The following SAMD8 variants were observed in gnomAD, a reference collection of about 807,000 sequenced individuals.
The protein encoded by SAMD8 is sterile alpha motif domain containing 8.
In SAMD8, 20 loss-of-function variants were observed where a neutral mutation model predicts 42.0. The observed-to-expected ratio is 0.48, with a 90% CI of 0.34 to 0.69. SAMD8 has a LOEUF of 0.69. Among genes scored for constraint, SAMD8 ranks in the 30% least tolerant of loss-of-function variants. The probability of loss-of-function intolerance (pLI) is 0.01; values close to 1 mark genes in which losing one functional copy is unlikely to be tolerated. For synonymous variants in SAMD8, 162 were observed against 173.0 expected (o/e 0.94, Z 0.50); for missense variants, 328 against 511.6 (o/e 0.64, Z 3.46).
At chr10:75,161,205 T>G (rs1840550491) in intron 2 of SAMD8, among the ~76,000 whole-genome samples, 2 of 152,142 alleles carry the variant, frequency 1.3e-5, no homozygotes, top group South Asian at 4.1e-4. Context: ...CTGCCATGTT[T>G]TAAAGAGGAT....
upstream of SAMD8, chr10:75,111,496 T>C (rs1848765609): frequency 2.0e-5 from 24 of 1,224,706 alleles, no homozygotes; most frequent in Non-Finnish European, 2.3e-5. Flanking sequence ...CCCGAAGCAG[T>C]TCCGGTTCGG....
At chr10:75,110,866 A>G (rs893208586), upstream of SAMD8, among the ~76,000 whole-genome samples, 1 of 152,070 alleles carries the variant, frequency 6.6e-6, no homozygotes, top group Admixed American at 6.5e-5. Flanking sequence ...CCCAGGCTGG[A>G]GTGCCATGGC....
intron 2 of SAMD8, among the ~76,000 whole-genome samples, chr10:75,160,833 A>C (rs182871861): frequency 4.0e-4 from 61 of 152,294 alleles, no homozygotes; most frequent in African/African-American, 1.4e-3. Flanking sequence ...AGGTACAGAT[A>C]GGAGCTAAAT....
intron 1 of SAMD8, among the ~76,000 whole-genome samples, chr10:75,131,718 A>G (rs1235640406): frequency 6.6e-6 from 1 of 152,204 alleles, no homozygotes; most frequent in Non-Finnish European, 1.5e-5. Flanking sequence ...TGATAGCATT[A>G]TTAACTCATC....
chr10:75,102,770 T>C (rs1340927812), intron 1 of SAMD8, among the ~76,000 whole-genome samples: 15 of 152,026 alleles, frequency 9.9e-5, no homozygotes, highest in Admixed American at 9.8e-4. Context: ...CTGACTAACA[T>C]GGAGAAAACC....
intron 2 of SAMD8, among the ~76,000 whole-genome samples, chr10:75,158,800 G>T (rs547255023): frequency 1.3e-5 from 2 of 152,008 alleles, no homozygotes; most frequent in Admixed American, 6.6e-5. Context: ...TGGACATTTC[G>T]TATAAGTGGA....
At chr10:75,163,961 GTAATCTCAGCACTT>G (rs1379325066) in intron 2 of SAMD8, among the ~76,000 whole-genome samples, 1 of 152,120 alleles carries the variant, frequency 6.6e-6, no homozygotes, top group East Asian at 1.9e-4. Flanking sequence ...GCTCACACCT[GTAATCTCAGCACTT>G]TGGAAGTCTG....
chr10:75,136,431 A>G (rs1218395015), intron 1 of SAMD8, among the ~76,000 whole-genome samples: 1 of 152,132 alleles, frequency 6.6e-6, no homozygotes, highest in African/African-American at 2.4e-5. Flanking sequence ...AAAAACATAA[A>G]CTTACCTTGC....
chr10:75,124,443 T>C (rs1265628797), intron 1 of SAMD8, among the ~76,000 whole-genome samples: 1 of 152,010 alleles, frequency 6.6e-6, no homozygotes, highest in Non-Finnish European at 1.5e-5. Flanking sequence ...TGAAACCCTG[T>C]CTCTAGTAAA....
chr10:75,160,658 T>C (rs558722936), intron 2 of SAMD8, among the ~76,000 whole-genome samples: 32 of 152,294 alleles, frequency 2.1e-4, no homozygotes, highest in African/African-American at 7.5e-4. Flanking sequence ...AGAAACTGTA[T>C]AATCCCATGA....
intron 1 of SAMD8, among the ~76,000 whole-genome samples, chr10:75,117,397 G>C (rs760407163): frequency 1.3e-5 from 2 of 151,642 alleles, no homozygotes; most frequent in African/African-American, 2.4e-5. Flanking sequence ...ACTCCAGCCT[G>C]GGTAAAGAGT....
chr10:75,105,982 G>A, intron 1 of SAMD8: 2 of 964,852 alleles, frequency 2.1e-6, no homozygotes, highest in Non-Finnish European at 3.1e-6. Flanking sequence ...CTGTGATCCT[G>A]AGCAAGTCAC....
In SAMD8 at chr10:75,175,932, A is replaced by ACTG. The variant is rs111388588; in HGVS notation, c.793-133_793-131dup. ...TTGAAGTCTGGCTGGAATTCATTAG[A>ACTG]CTGAAGGCCTAGATGCTTTGGCTTA... is the stretch of plus-strand genomic sequence containing the variant. On this transcript the variant is annotated intron_variant, in intron 4 of 5. Transcript: ENST00000542569. The ACTG allele has an allele frequency of 2.4e-3, 3,594 of 1,482,350 alleles. 87 individuals are homozygous for ACTG. The African/African-American group carries it at 0.045, about 19-fold the overall frequency. 91.8% of individuals were successfully genotyped at this position (1,482,350 alleles called of 1,614,324 possible).
chr10:75,103,871 C>T (rs772212686), intron 1 of SAMD8: 2 of 1,295,540 alleles, frequency 1.5e-6, no homozygotes, highest in South Asian at 2.5e-5. Flanking sequence ...GAGGGCTTGG[C>T]TGAGAGGGGA....
intron 1 of SAMD8, among the ~76,000 whole-genome samples, chr10:75,139,107 T>C (rs1363979777): frequency 6.6e-6 from 1 of 151,862 alleles, no homozygotes; most frequent in Non-Finnish European, 1.5e-5. Flanking sequence ...ATTACAGGCA[T>C]GCACCACCAC....
chr10:75,150,850 G>C lies in SAMD8; in HGVS notation c.322G>C (p.Asp108His). 6.2e-7 allele frequency: 1 copy of C among 1,613,956 alleles called. No individual in the cohort carries two copies. The stretch of plus-strand genomic sequence containing the variant: ...TTTCATCAGTGCTCTTCAGAGTACA[G>C]ACTGGCTCTGTAATGGGGAGCTTTC... ...TPFISALQST[D>H]WLCNGELSHD... Residue 108 changes from aspartate (D) to histidine (H), a missense_variant, in exon 2 of 6, where the codon GAC (aspartate) becomes CAC (histidine). This residue lies in a region of SAMD8 where 150 missense variants were observed against 186.0 expected (regional missense o/e 0.81). Coordinates refer to ENST00000542569, the MANE Select transcript of SAMD8 (RefSeq NM_001174156.2).
intron 1 of SAMD8, among the ~76,000 whole-genome samples, chr10:75,119,964 A>G (rs1056120059): frequency 6.6e-6 from 1 of 152,176 alleles, no homozygotes; most frequent in Non-Finnish European, 1.5e-5. Flanking sequence ...GCTACTCGGG[A>G]AGCCGAGGCA....
At chr10:75,101,766 A>ACC in intron 1 of SAMD8, 27 of 748,172 alleles carry the variant, frequency 3.6e-5, no homozygotes, top group South Asian at 1.1e-4. Context: ...CCCAACCCAA[A>ACC]CCCCACCCCT....
At chr10:75,126,384 A>G (rs1849134454) in intron 1 of SAMD8, among the ~76,000 whole-genome samples, 1 of 152,052 alleles carries the variant, frequency 6.6e-6, no homozygotes, top group African/African-American at 2.4e-5. Flanking sequence ...TGAGAGCAAG[A>G]TCTGATTCAG....
Sources: gnomAD v4.1 joint callset for allele counts (sites outside exome capture counted in the v4.1 genomes callset) on GRCh38, gnomAD v4.1.1 for gene constraint, gnomAD v4.1.1 regional missense constraint, MANE v1.5 for transcripts, NCBI Gene and HGNC (gene_info 2026-07-23, HGNC 2026-07-21) for gene names.